Variants in ZC3H12D observed in about 807,000 individuals in gnomAD.
ZC3H12D encodes the protein zinc finger CCCH-type containing 12D.
Under a neutral mutation model 24.2 loss-of-function variants are expected in ZC3H12D, and 11 were observed. The ratio of observed to expected loss-of-function variants is 0.46; its 90% CI spans 0.29 to 0.75. The LOEUF is 0.75. Ranked by LOEUF, ZC3H12D falls within the 30% of genes least tolerant of loss-of-function variation. The pLI, the probability that ZC3H12D is intolerant of heterozygous loss-of-function variation, is 0.11. For synonymous variants in ZC3H12D, 333 were observed against 341.8 expected (o/e 0.97, Z 0.28); for missense variants, 740 against 767.7 (o/e 0.96, Z 0.43).
intron 4 of ZC3H12D, among the ~76,000 whole-genome samples, chr6:149,455,750 T>A (rs421037): frequency 0.24 from 36,922 of 151,828 alleles, 4,696 homozygotes; most frequent in African/African-American, 0.28. Flanking sequence ...GAAGAAAAGA[T>A]TCTGGGCTGG....
At chr6:149,473,779 C>G (rs1017925694) in intron 2 of ZC3H12D, among the ~76,000 whole-genome samples, 4 of 152,136 alleles carry the variant, frequency 2.6e-5, no homozygotes, top group Non-Finnish European at 5.9e-5. Context: ...ATTTGTGGGC[C>G]TCTTTCACAG....
intron 2 of ZC3H12D, among the ~76,000 whole-genome samples, chr6:149,466,283 T>G: frequency 6.8e-6 from 1 of 146,220 alleles, no homozygotes; most frequent in African/African-American, 2.5e-5. Flanking sequence ...CCATCCGAGA[T>G]GGGAGGGGGC....
chr6:149,466,369 G>A (rs1776161400), intron 2 of ZC3H12D, among the ~76,000 whole-genome samples: 1 of 151,520 alleles, frequency 6.6e-6, no homozygotes, highest in Admixed American at 6.6e-5. Flanking sequence ...ACTGGCAAAC[G>A]TTAAGATGTA....
chr6:149,461,707 T>C, intron 3 of ZC3H12D, 124 bp downstream of exon 3: 1 of 1,102,574 alleles, frequency 9.1e-7, no homozygotes, highest in Non-Finnish European at 1.3e-6. Flanking sequence ...ATGGAGCTTA[T>C]AGCGCAGTGA....
intron 3 of ZC3H12D, chr6:149,459,601 G>GACTA (rs140859): frequency 0.33 from 236,607 of 717,092 alleles, 40,971 homozygotes; most frequent in African/African-American, 0.46. Flanking sequence ...AAATCGGGAT[G>GACTA]ACTAACAGGT....
At chr6:149,454,621 G>A (rs539745645) in intron 4 of ZC3H12D, among the ~76,000 whole-genome samples, 62 of 152,366 alleles carry the variant, frequency 4.1e-4, no homozygotes, top group Non-Finnish European at 7.8e-4. Flanking sequence ...CGTGCCCGGG[G>A]CACCAGGGCA....
intron 1 of ZC3H12D, among the ~76,000 whole-genome samples, chr6:149,482,888 C>T (rs1229477584): frequency 6.6e-6 from 1 of 152,148 alleles, no homozygotes; most frequent in Non-Finnish European, 1.5e-5. Flanking sequence ...AGACCAGACT[C>T]CCAAAGGTGG....
intron 2 of ZC3H12D, among the ~76,000 whole-genome samples, chr6:149,463,690 C>CA (rs1157472780): frequency 1.3e-5 from 2 of 152,304 alleles, no homozygotes; most frequent in African/African-American, 4.8e-5. Context: ...GCTTGGGCGA[C>CA]ATAGCAAAAA....
chr6:149,474,080 T>C (rs1265623671), intron 2 of ZC3H12D, among the ~76,000 whole-genome samples, 159 bp downstream of exon 2: 1 of 152,172 alleles, frequency 6.6e-6, no homozygotes, highest in African/African-American at 2.4e-5. Flanking sequence ...AGTGACTTGC[T>C]TAATGCCACA....
chr6:149,453,034 CA>C (rs1775925571), intron 4 of ZC3H12D, among the ~76,000 whole-genome samples: 1 of 150,846 alleles, frequency 6.6e-6, no homozygotes, highest in Non-Finnish European at 1.5e-5. Flanking sequence ...TGGGTAATCC[CA>C]ACACTTTGGG....
intron 3 of ZC3H12D, among the ~76,000 whole-genome samples, chr6:149,458,148 T>TTTTTTTTTTTTTTTTTTTTTTTTC (rs1562472760): frequency 2.3e-5 from 3 of 128,084 alleles, no homozygotes; most frequent in African/African-American, 1.1e-4. Flanking sequence ...TTTTTTTTTT[T>TTTTTTTTTTTTTTTTTTTTTTTTC]TTTTTGAGAC....
At position 149,450,990 on chromosome 6, in the gene ZC3H12D, A is replaced by C; in HGVS notation, c.1277T>G (p.Leu426Trp). 6.6e-7 allele frequency: 1 copy of C among 1,519,650 alleles called. No individual in the cohort carries two copies. Among genetic ancestry groups the C allele is most frequent in the Non-Finnish European group, 8.8e-7 (1 of 1,137,522 alleles). 94.1% of individuals were successfully genotyped at this position (1,519,650 alleles called of 1,614,324 possible). A position where few individuals can be genotyped will look rare whatever the true frequency, so the allele number is the denominator to read the frequency against. Residue 426 changes from leucine (L) to tryptophan (W), a missense_variant, in exon 6 of 6, where the codon TTG becomes TGG. Transcript: ENST00000409806. The stretch of plus-strand genomic sequence containing the variant: ...GTCGGGTGGCCTGCGCGGGGAAAGC[A>C]AGTCGCCGTGCAGGTCCCTAGGGCG... Reference protein sequence around the residue: ...EHRPRDLHGDLLSPRRPPDDP... With the variant: ...EHRPRDLHGDWLSPRRPPDDP...
intron 2 of ZC3H12D, among the ~76,000 whole-genome samples, chr6:149,464,926 C>T (rs536729967): frequency 6.6e-6 from 1 of 152,310 alleles, no homozygotes; most frequent in South Asian, 2.1e-4. Flanking sequence ...CTACGCCACT[C>T]GTGCCTTCTC....
chr6:149,481,376 AT>A (rs759834200), intron 1 of ZC3H12D, among the ~76,000 whole-genome samples: 4,096 of 142,274 alleles, frequency 0.029, 143 homozygotes, highest in African/African-American at 0.074. Context: ...GTGGCTTAGC[AT>A]TTTTTTTTTT....
At chr6:149,482,005 C>T (rs767210107) in intron 1 of ZC3H12D, among the ~76,000 whole-genome samples, 4 of 152,214 alleles carry the variant, frequency 2.6e-5, no homozygotes, top group Non-Finnish European at 4.4e-5. Flanking sequence ...TGGGGGCTTT[C>T]GCCTGGAGGG....
At chr6:149,451,519 C>CG (rs1261398935) in intron 5 of ZC3H12D, 40 bp from the exon 6 acceptor site, 22 of 1,506,622 alleles carry the variant, frequency 1.5e-5, no homozygotes, top group Non-Finnish European at 1.9e-5. Flanking sequence ...ACGTGAGGCC[C>CG]GGGGGCGCGG....
At chr6:149,475,866 TC>T (rs1270675846) in intron 1 of ZC3H12D, among the ~76,000 whole-genome samples, 2 of 152,168 alleles carry the variant, frequency 1.3e-5, no homozygotes, top group Non-Finnish European at 2.9e-5. Flanking sequence ...ACAGGAACAC[TC>T]TAGACAGCCT....
Position 149,456,109 on chromosome 6 carries a change from A to G in ZC3H12D, c.680+557T>C, listed in dbSNP as rs1042643731. Among the ~76,000 whole-genome samples the G allele has an allele frequency of 6.6e-6, 1 of 150,704 alleles. No individual in the cohort carries two copies. Among genetic ancestry groups the G allele is most frequent in the African/African-American group, 2.4e-5 (1 of 40,890 alleles). ...CTACTAAAAATACAAAAAATTAGCC[A>G]GGCATGGTGGTGCGTGCCTATAATC... On this transcript the variant is annotated intron_variant, in intron 4 of 5. Coordinates refer to ENST00000409806, the MANE Select transcript of ZC3H12D (RefSeq NM_207360.3). This position sits in a 1 kb window ranked among gnomAD's most constrained non-coding sequence, Gnocchi z 4.3.
chr6:149,456,736 G>A lies in ZC3H12D; in HGVS notation c.610C>T (p.Gln204Ter). The A allele has an allele frequency of 1.2e-6, 2 of 1,613,802 alleles. No individual in the cohort carries two copies. The highest frequency in any genetic ancestry group is 8.5e-7 in the Non-Finnish European group (1 of 1,179,782). Residue 204 changes from glutamine (Q) to a stop codon, truncating the protein, a stop_gained, in exon 4 of 6, where the codon CAG (glutamine) becomes TAG (stop). Coordinates refer to ENST00000409806, the MANE Select transcript of ZC3H12D (RefSeq NM_207360.3). LOFTEE classifies it high-confidence loss of function. This position sits in a 1 kb window ranked among gnomAD's most constrained non-coding sequence, Gnocchi z 4.3. Reference protein sequence around the residue: ...IVSNDNYRDLQSENPEWKWFI... With the variant: ...IVSNDNYRDL ...CACTTCCACTCGGGGTTCTCGCTCT[G>A]CAGGTCCCGGTAGTTGTCGTTGGAG...
Sources: allele counts gnomAD v4.1 joint callset (sites outside exome capture counted in the v4.1 genomes callset), GRCh38; gene constraint gnomAD v4.1.1; non-coding constraint Gnocchi (gnomAD v3.1); transcripts MANE v1.5; gene names NCBI Gene and HGNC (gene_info 2026-07-23, HGNC 2026-07-21).